MMP26: variants seen among roughly 807,000 people sequenced by gnomAD.
MMP26 encodes the protein matrix metallopeptidase 26.
A neutral mutation model predicts 31.0 loss-of-function variants in MMP26; 33 were observed. The ratio of observed to expected loss-of-function variants is 1.06; its 90% CI spans 0.81 to 1.42. The LOEUF (loss-of-function observed/expected upper bound fraction) is 1.42. MMP26 is among the 40% of genes most tolerant of loss of function. The probability of loss-of-function intolerance (pLI) is 0.00; values close to 1 mark genes in which losing one functional copy is unlikely to be tolerated. For missense variants in MMP26, 347 were observed against 316.1 expected (o/e 1.10, Z -0.74); for synonymous variants, 122 against 114.9 (o/e 1.06, Z -0.40).
At chr11:4,921,434 C>A (rs2595974) in intron 2 of MMP26, among the ~76,000 whole-genome samples, 151,270 of 152,378 alleles carry the variant, frequency 0.99, 75,093 homozygotes, top group Middle Eastern at 1. Flanking sequence ...GTGGCAGATC[C>A]GTGAGGGATT....
In MMP26 at chr11:4,806,433, T is replaced by G. The variant is rs112191673; in HGVS notation, c.-145+39092T>G. On this transcript the variant is annotated intron_variant, in intron 2 of 7. Transcript: ENST00000380390. Reference sequence around the variant, plus strand: ...GTATTGGGTGCATATATATTTAGGATAGTTAGCTCTTCTTGTTGAATTGAT... The same window carrying G: ...GTATTGGGTGCATATATATTTAGGAGAGTTAGCTCTTCTTGTTGAATTGAT... Among the ~76,000 whole-genome samples, 678 of 152,286 alleles carry G rather than the reference T, an allele frequency of 4.5e-3. 4 individuals carry two copies. The highest frequency in any genetic ancestry group is 0.015 in the African/African-American group (609 of 41,552).
Position 4,781,353 on chromosome 11 carries a change from C to T in MMP26, c.-145+14012C>T, listed in dbSNP as rs538592155. Among the ~76,000 whole-genome samples, 3 of 71,756 alleles carry T rather than the reference C, an allele frequency of 4.2e-5. No individual in the cohort carries two copies. In the East Asian group the frequency reaches 6.1e-4, roughly 15 times the overall value. The allele number at this position is 71,756 out of a possible 152,430, so 47.1% of individuals were successfully genotyped here. A position where few individuals can be genotyped will look rare whatever the true frequency, so the allele number is the denominator to read the frequency against. ...ATGAGGTCAGGAGATCGAGACCATCCTGGCTAACAAGGTGAAACCCCGTCT... is the reference window on the plus strand; with the variant it reads ...ATGAGGTCAGGAGATCGAGACCATCTTGGCTAACAAGGTGAAACCCCGTCT... On this transcript the variant is annotated intron_variant, in intron 2 of 7. Transcript: ENST00000380390.
chr11:4,965,283 G>A (rs1405951453), intron 2 of MMP26, among the ~76,000 whole-genome samples: 1 of 152,124 alleles, frequency 6.6e-6, no homozygotes, highest in African/African-American at 2.4e-5. Context: ...ATCCTAGCAA[G>A]CCGAGATCCT....
intron 1 of MMP26, among the ~76,000 whole-genome samples, chr11:4,734,248 A>G (rs188415177): frequency 2.9e-4 from 44 of 152,240 alleles, no homozygotes; most frequent in African/African-American, 1.0e-3. Context: ...ATTTTTCTTT[A>G]AGTGTTTAGT....
intron 1 of MMP26, among the ~76,000 whole-genome samples, chr11:4,731,285 C>G (rs1284757224): frequency 6.6e-6 from 1 of 152,174 alleles, no homozygotes; most frequent in African/African-American, 2.4e-5. Context: ...GAGATGGACA[C>G]ACTGAATCAG....
At chr11:4,728,009 A>T (rs192532334) in intron 1 of MMP26, among the ~76,000 whole-genome samples, 1 of 152,356 alleles carries the variant, frequency 6.6e-6, no homozygotes, top group African/African-American at 2.4e-5. Flanking sequence ...TAATTGGTAC[A>T]GTTCTCCTGA....
rs144918829 is a variant in MMP26 at position 4,883,620 on chromosome 11, C to G, written c.-144-104448C>G. ...TCCTGATTCCATAGCTACTCCATTG[C>G]TAACTCTCAGAACTGCAGCTTTTTT... On this transcript the variant is annotated intron_variant, in intron 2 of 7. Coordinates refer to ENST00000380390, the MANE Select transcript of MMP26 (RefSeq NM_021801.5). Among the ~76,000 whole-genome samples, 242 of 152,200 alleles carry G rather than the reference C, an allele frequency of 1.6e-3. 1 individual carries two copies. The highest frequency in any genetic ancestry group is 2.7e-3 in the Non-Finnish European group (183 of 67,998).
chr11:4,956,988 T>A (rs1846452848), intron 2 of MMP26, among the ~76,000 whole-genome samples: 1 of 152,196 alleles, frequency 6.6e-6, no homozygotes, highest in Non-Finnish European at 1.5e-5. Flanking sequence ...TATCTTCATT[T>A]TACTGATGAA....
chr11:4,723,492 C>T (rs1848048716), intron 1 of MMP26: 1 of 1,112,596 alleles, frequency 9.0e-7, no homozygotes, highest in Non-Finnish European at 1.4e-6. Context: ...GCTCTGGGAT[C>T]TCCTCTTCAT....
chr11:4,991,297 G>A, intron 5 of MMP26, 74 bp from the exon 6 acceptor site: 4 of 1,521,294 alleles, frequency 2.6e-6, no homozygotes, highest in Non-Finnish European at 3.6e-6. Context: ...AAGTCTCTGA[G>A]GCTTACTTAA....
intron 2 of MMP26, among the ~76,000 whole-genome samples, chr11:4,938,578 G>A (rs188672601): frequency 5.3e-5 from 8 of 152,124 alleles, no homozygotes; most frequent in East Asian, 1.9e-4. Context: ...TAGGCTTTGC[G>A]CACTTAACAA....
chr11:4,826,633 C>A (rs1026405409), intron 2 of MMP26, among the ~76,000 whole-genome samples: 7 of 152,042 alleles, frequency 4.6e-5, no homozygotes, highest in African/African-American at 1.7e-4. Flanking sequence ...CACAATAAAA[C>A]CAGGAAGAGA....
chr11:4,760,391 A>G (rs967180074), intron 1 of MMP26, among the ~76,000 whole-genome samples: 6 of 152,224 alleles, frequency 3.9e-5, no homozygotes, highest in Non-Finnish European at 4.4e-5. Flanking sequence ...ACCTACATGG[A>G]GGCAAAGCAA....
At chr11:4,905,043 A>AT (rs1183340393) in intron 2 of MMP26, among the ~76,000 whole-genome samples, 2 of 152,162 alleles carry the variant, frequency 1.3e-5, no homozygotes, top group Non-Finnish European at 2.9e-5. Flanking sequence ...TCCCTGAAAG[A>AT]CCTGAGTCAA....
At chr11:4,816,226 A>G (rs1383131184) in intron 2 of MMP26, among the ~76,000 whole-genome samples, 6 of 152,192 alleles carry the variant, frequency 3.9e-5, no homozygotes, top group Non-Finnish European at 7.3e-5. Context: ...GTTTTCAGAA[A>G]TAATACTTGA....
chr11:4,715,618 G>T (rs565686821), intron 1 of MMP26, among the ~76,000 whole-genome samples: 2 of 152,230 alleles, frequency 1.3e-5, no homozygotes, highest in Non-Finnish European at 2.9e-5. Context: ...GATTTCTGAG[G>T]GTAGGGAGGA....
intron 2 of MMP26, among the ~76,000 whole-genome samples, chr11:4,785,476 T>G (rs1433909): frequency 0.061 from 9,331 of 152,208 alleles, 904 homozygotes; most frequent in African/African-American, 0.21. Context: ...ACTCAGTAGA[T>G]AAATTAACAG....
intron 2 of MMP26, chr11:4,923,785 C>G: frequency 6.2e-7 from 1 of 1,614,046 alleles, no homozygotes; most frequent in Non-Finnish European, 8.5e-7. Flanking sequence ...GCTTCATGAT[C>G]TCCAGGTGAA....
At position 4,991,383 on chromosome 11, in the gene MMP26, G is replaced by C. The variant is rs748158464; in HGVS notation, c.482G>C (p.Gly161Ala). The C allele has an allele frequency of 1.3e-5, 21 of 1,613,424 alleles. No homozygotes were observed. Among genetic ancestry groups the C allele is most frequent in the Non-Finnish European group, 1.7e-5 (20 of 1,179,508 alleles). Residue 161 changes from glycine (G) to alanine (A), a missense_variant, in exon 6 of 8, where the codon GGT becomes GCT. Transcript: ENST00000380390. Reference sequence around the variant, plus strand: ...CTGTCGTCCACAGCCCATGAAGATGGTTGGCCCTTTGATGGGCCAGGTGGT... The same window carrying C: ...CTGTCGTCCACAGCCCATGAAGATGCTTGGCCCTTTGATGGGCCAGGTGGT... ...VSFWQWAHED[G>A]WPFDGPGGIL...
Sources: allele counts gnomAD v4.1 joint callset (sites outside exome capture counted in the v4.1 genomes callset), GRCh38; gene constraint gnomAD v4.1.1; transcripts MANE v1.5; gene names NCBI Gene and HGNC (gene_info 2026-07-23, HGNC 2026-07-21).